GYS1: variants seen among roughly 807,000 people sequenced by gnomAD.
GYS1 encodes the protein glycogen synthase 1.
GYS1 carries 60 observed loss-of-function variants against 89.1 expected under a neutral mutation model. That is an observed-to-expected ratio of 0.67 (90% CI 0.55 to 0.84). The LOEUF (loss-of-function observed/expected upper bound fraction) is 0.84. Ranked by LOEUF, GYS1 falls within the 40% of genes least tolerant of loss-of-function variation. The pLI is 0.00. For missense variants in GYS1, 888 were observed against 1,003.1 expected (o/e 0.89, Z 1.55); for synonymous variants, 366 against 401.7 (o/e 0.91, Z 1.06).
chr19:48,983,820 T>C (rs1450539390), intron 5 of GYS1, among the ~76,000 whole-genome samples: 2 of 152,156 alleles, frequency 1.3e-5, no homozygotes, highest in African/African-American at 2.4e-5. Context: ...CAGAATTTTA[T>C]CATATCTGAA....
chr19:48,982,198 C>T (rs1418344209), intron 7 of GYS1, 57 bp downstream of exon 7: 2 of 1,583,214 alleles, frequency 1.3e-6, no homozygotes, highest in Non-Finnish European at 1.7e-6. Context: ...TGGCTGTTCT[C>T]CCTAGTTATA....
At chr19:48,981,305 C>T (rs564471343) in intron 8 of GYS1, 10 of 519,890 alleles carry the variant, frequency 1.9e-5, no homozygotes, top group African/African-American at 1.4e-4. Context: ...CCCAGCTACT[C>T]GAGAGGCTGA....
chr19:48,992,678 T>TC (rs1442767907), intron 1 of GYS1, among the ~76,000 whole-genome samples: 2 of 151,718 alleles, frequency 1.3e-5, no homozygotes, highest in Non-Finnish European at 2.9e-5. Context: ...AGAAATCCCA[T>TC]CCCCCCATCC....
chr19:48,977,928 G>A lies in GYS1; in HGVS notation c.1304C>T (p.Thr435Met), dbSNP rs772459742. 5.6e-6 allele frequency: 9 copies of A among 1,612,198 alleles called. No homozygotes were observed. The highest frequency in any genetic ancestry group is 3.3e-5 in the Admixed American group (2 of 59,992). Residue 435 changes from threonine to methionine, a missense_variant, in exon 10 of 16, where the codon ACG (threonine) becomes ATG (methionine). Physicochemically the swap from Thr to Met is moderately conservative, Grantham distance 81. Transcript: ENST00000323798. ...GCACAGAGGTCCAATCCATACCTGC[G>A]TTGCAAAGATGGCTCTCTTCATCAT... ...FTMMKRAIFA[T>M]QRQSFPPVCT... is the part of the protein sequence containing the mutation.
rs1240344713 is a variant in GYS1 at position 48,991,440 on chromosome 19, T to C, written c.162A>G (p.Thr54=). The change falls in exon 2 of 16, where the codon ACA becomes ACG. Residue 54 remains threonine, a synonymous_variant. Coordinates refer to ENST00000323798, the MANE Select transcript of GYS1 (RefSeq NM_002103.5). The surrounding 1 kb of genome is among the most constrained non-coding windows in gnomAD (Gnocchi z 4.7). ...YTVLQTKAKV[T]GDEWGDNYFL... is the part of the protein sequence containing the mutation. ...AGTAGTTGTCGCCCCATTCGTCCCCTGTCACCTTCGCCTTCGTCTGCAGCA... is the reference window on the plus strand; with the variant it reads ...AGTAGTTGTCGCCCCATTCGTCCCCCGTCACCTTCGCCTTCGTCTGCAGCA... 6.8e-6 allele frequency: 11 copies of C among 1,613,742 alleles called. No homozygotes were observed. Among genetic ancestry groups the C allele is most frequent in the African/African-American group, 2.7e-5 (2 of 74,904 alleles).
chr19:48,974,435 A>G (rs2038613475), intron 11 of GYS1, 96 bp from the exon 12 acceptor site: 3 of 1,366,736 alleles, frequency 2.2e-6, no homozygotes, highest in East Asian at 4.6e-5. Context: ...CTTGTCTAGC[A>G]TCACACAGCA....
In GYS1 at chr19:48,991,566, G is replaced by A; in HGVS notation, c.119-83C>T. On this transcript the variant is annotated intron_variant, in intron 1 of 15. Transcript: ENST00000323798. This position sits in a 1 kb window ranked among gnomAD's most constrained non-coding sequence, Gnocchi z 4.7. The stretch of plus-strand genomic sequence containing the variant: ...GGGGTGGGGTGGGCCGGGGATGTAG[G>A]GGGCACTCAGGCCCCAGACCTCTAG... 7.0e-7 allele frequency: 1 copy of A among 1,435,840 alleles called. No individual in the cohort carries two copies. The highest frequency in any genetic ancestry group is 9.8e-7 in the Non-Finnish European group (1 of 1,025,250). 88.9% of individuals were successfully genotyped at this position (1,435,840 alleles called of 1,614,324 possible).
chr19:48,986,088 C>A (rs915908343), intron 3 of GYS1, 53 bp from the exon 4 acceptor site: 19 of 1,547,060 alleles, frequency 1.2e-5, no homozygotes, highest in Non-Finnish European at 1.5e-5. Flanking sequence ...GGAAAAGAAT[C>A]GGCAATCCCC....
chr19:48,991,416 G>C lies in GYS1; in HGVS notation c.186C>G (p.Tyr62Ter). The C allele has an allele frequency of 6.2e-7, 1 of 1,614,160 alleles. No homozygotes were observed. The highest frequency in any genetic ancestry group is 8.5e-7 in the Non-Finnish European group (1 of 1,180,040). ...GCTCCGTGTACGGCCCCACCAGGAA[G>C]TAGTTGTCGCCCCATTCGTCCCCTG... ...KVTGDEWGDN[Y>*]FLVGPYTEQG... The change falls in exon 2 of 16, where the codon TAC (tyrosine) becomes TAG (stop). Residue 62 changes from tyrosine to a stop codon, truncating the protein, a stop_gained. Transcript: ENST00000323798. LOFTEE classifies it high-confidence loss of function. The surrounding 1 kb of genome is among the most constrained non-coding windows in gnomAD (Gnocchi z 4.7).
intron 10 of GYS1, among the ~76,000 whole-genome samples, chr19:48,977,529 G>C (rs958884081): frequency 7.2e-5 from 11 of 152,076 alleles, no homozygotes; most frequent in African/African-American, 2.7e-4. Flanking sequence ...GGAGGCAGAG[G>C]TTGCAGTGAG....
intron 2 of GYS1, among the ~76,000 whole-genome samples, chr19:48,990,846 G>A (rs1050798251): frequency 2.6e-5 from 4 of 152,206 alleles, no homozygotes; most frequent in Admixed American, 2.0e-4. Flanking sequence ...CCAGGCTGGA[G>A]TGCAGTGGCC....
chr19:48,987,263 C>T lies in GYS1; in HGVS notation c.423G>A (p.Val141=), dbSNP rs752451842. The T allele has an allele frequency of 7.4e-6, 12 of 1,613,314 alleles. No individual in the cohort carries two copies. The highest frequency in any genetic ancestry group is 1.0e-5 in the Non-Finnish European group (12 of 1,179,658). Residue 141 remains valine (V), a synonymous_variant, in exon 3 of 16, where the codon GTG becomes GTA. Coordinates refer to ENST00000323798, the MANE Select transcript of GYS1 (RefSeq NM_002103.5). ...CGTTGGCCTCGCGGTCGTACCACGG[C>T]ACTCCGATGTTGCAGGTATCCCAGA... ...GELWDTCNIG[V]PWYDREANDA...
In GYS1 at chr19:48,991,276, C is replaced by G; in HGVS notation, c.300+26G>C. On this transcript the variant is annotated intron_variant, in intron 2 of 15. Transcript: ENST00000323798. The surrounding 1 kb of genome is among the most constrained non-coding windows in gnomAD (Gnocchi z 4.7). ...CCGATGGCAGGCTGTCCACCCGCTTCTGCCCTGGGCTGGGCCACGTCCCAC... is the reference window on the plus strand; with the variant it reads ...CCGATGGCAGGCTGTCCACCCGCTTGTGCCCTGGGCTGGGCCACGTCCCAC... 2 of 1,611,546 alleles carry G rather than the reference C, an allele frequency of 1.2e-6. No homozygotes were observed. The highest frequency in any genetic ancestry group is 1.7e-6 in the Non-Finnish European group (2 of 1,179,168).
At position 48,987,404 on chromosome 19, in the gene GYS1, G is replaced by A. The variant is rs1266412422; in HGVS notation, c.301-19C>T. ...AATACACCTGGGATGGGGTTGGGGA[G>A]GCACCATAGGGAGGCTCTGGGCTTC... On this transcript the variant is annotated intron_variant, in intron 2 of 15. Transcript: ENST00000323798. 2 of 1,559,828 alleles carry A rather than the reference G, an allele frequency of 1.3e-6. No individual in the cohort carries two copies. Among genetic ancestry groups the A allele is most frequent in the South Asian group, 1.2e-5 (1 of 83,960 alleles).
Position 48,970,714 on chromosome 19 carries a change from G to A in GYS1, c.1646-5C>T. ...GCCGGTCAAGAATGTAGATACCTGTGGAGGCCAGGACCCAGGTTCAGAAAA... is the reference window on the plus strand; with the variant it reads ...GCCGGTCAAGAATGTAGATACCTGTAGAGGCCAGGACCCAGGTTCAGAAAA... On this transcript the variant is annotated splice_polypyrimidine_tract_variant and splice_region_variant and intron_variant, in intron 13 of 15. Coordinates refer to ENST00000323798, the MANE Select transcript of GYS1 (RefSeq NM_002103.5). 1 of 1,613,598 alleles carries A rather than the reference G, an allele frequency of 6.2e-7. No homozygotes were observed. Among genetic ancestry groups the A allele is most frequent in the Non-Finnish European group, 8.5e-7 (1 of 1,179,798 alleles).
chr19:48,978,040 T>G (rs747840877), intron 9 of GYS1, 38 bp from the exon 10 acceptor site: 6 of 1,608,048 alleles, frequency 3.7e-6, no homozygotes, highest in Non-Finnish European at 5.1e-6. Flanking sequence ...GAGAACGGAG[T>G]AATGAGAGGG....
At position 48,982,260 on chromosome 19, in the gene GYS1, G is replaced by C. The variant is rs761016746; in HGVS notation, c.1057C>G (p.Leu353Val). 8.1e-6 allele frequency: 13 copies of C among 1,613,670 alleles called. No individual in the cohort carries two copies. The highest frequency in any genetic ancestry group is 1.1e-5 in the Non-Finnish European group (13 of 1,179,762). ...LEALARLNYL[L>V]RVNGSEQTVV... ...CCTCATAGCCCAGGCCTCACTCTGA[G>C]CAGATAGTTGAGCCGAGCCAATGCC... is the stretch of plus-strand genomic sequence containing the variant. The change falls in exon 7 of 16, where the codon CTC (leucine) becomes GTC (valine). Residue 353 changes from leucine to valine, a missense_variant. Transcript: ENST00000323798.
chr19:48,981,447 A>G lies in GYS1; in HGVS notation c.1169+83T>C, dbSNP rs16959677. On this transcript the variant is annotated intron_variant, in intron 8 of 15. Transcript: ENST00000323798. Reference sequence around the variant, plus strand: ...AACAAACAAACAAACAAAACAAAAAACTGAGACTCTAGGAGAAACACAGGA... The same window carrying G: ...AACAAACAAACAAACAAAACAAAAAGCTGAGACTCTAGGAGAAACACAGGA... 1,827 of 813,250 alleles carry G rather than the reference A, an allele frequency of 2.2e-3. 21 individuals are homozygous for G. The African/African-American group carries it at 0.027, about 12-fold the overall frequency. 50.4% of individuals were successfully genotyped at this position (813,250 alleles called of 1,614,324 possible).
In GYS1 at chr19:48,982,775, G is replaced by A; in HGVS notation, c.886C>T (p.Leu296Phe). ...KFSAMHEFQNLHAQSKARIQE... is the reference protein window; with the variant it reads ...KFSAMHEFQNFHAQSKARIQE... ...ATTCGAGCCTTGCTCTGAGCATGGA[G>A]GTTCTGGAACTCATGCATGGCAGAA... is the stretch of plus-strand genomic sequence containing the variant. The change falls in exon 6 of 16, where the codon CTC (leucine) becomes TTC (phenylalanine). Residue 296 changes from leucine (L) to phenylalanine (F), a missense_variant. Transcript: ENST00000323798. 6.2e-7 allele frequency: 1 copy of A among 1,614,028 alleles called. No individual in the cohort carries two copies. Among genetic ancestry groups the A allele is most frequent in the East Asian group, 2.2e-5 (1 of 44,878 alleles).
Sources: gnomAD v4.1 joint callset for allele counts (sites outside exome capture counted in the v4.1 genomes callset) on GRCh38, gnomAD v4.1.1 for gene constraint, Gnocchi (gnomAD v3.1) non-coding constraint, MANE v1.5 for transcripts, NCBI Gene and HGNC (gene_info 2026-07-23, HGNC 2026-07-21) for gene names.